CPLX4: variants seen among roughly 807,000 people sequenced by gnomAD.
The protein encoded by CPLX4 is complexin-4.
A neutral mutation model predicts 16.1 loss-of-function variants in CPLX4; 17 were observed. That is an observed-to-expected ratio of 1.06 (90% CI 0.72 to 1.59). CPLX4 has a LOEUF of 1.59. Ranked by LOEUF, CPLX4 falls within the 40% of genes most tolerant of loss-of-function variation. CPLX4 has a pLI of 0.00. For missense variants in CPLX4, 193 were observed against 192.9 expected, an observed-to-expected ratio of 1.00 and a Z score of 0.00; for synonymous variants, 55 against 57.8, an observed-to-expected ratio of 0.95 and a Z score of 0.22.
At chr18:59,313,002 T>TA (rs1373803125) in intron 1 of CPLX4, among the ~76,000 whole-genome samples, 5 of 152,314 alleles carry the variant, frequency 3.3e-5, no homozygotes, top group Admixed American at 3.3e-4. Context: ...AATTTGGTCC[T>TA]AGGAATCTCT....
chr18:59,297,802 C>T (rs1331126885), intron 2 of CPLX4, among the ~76,000 whole-genome samples: 1 of 152,202 alleles, frequency 6.6e-6, no homozygotes, highest in Non-Finnish European at 1.5e-5. Flanking sequence ...ACCTTAGTGG[C>T]AACTTTTTCT....
intron 2 of CPLX4, among the ~76,000 whole-genome samples, chr18:59,302,145 T>C (rs2070545994): frequency 6.6e-6 from 1 of 152,214 alleles, no homozygotes; most frequent in Admixed American, 6.5e-5. Flanking sequence ...ACAGCAGCCT[T>C]GTTTCCTCTC....
At chr18:59,300,489 A>G (rs973402188) in intron 2 of CPLX4, among the ~76,000 whole-genome samples, 1 of 152,170 alleles carries the variant, frequency 6.6e-6, no homozygotes, top group African/African-American at 2.4e-5. Context: ...GTTTATCTTT[A>G]TAATTCCATT....
chr18:59,300,606 T>C (rs1391329025), intron 2 of CPLX4, among the ~76,000 whole-genome samples: 4 of 152,210 alleles, frequency 2.6e-5, no homozygotes, highest in Non-Finnish European at 4.4e-5. Flanking sequence ...CTTTATTTCC[T>C]TGTCTGTATA....
Position 59,305,818 on chromosome 18 carries a change from G to A in CPLX4, c.255+6867C>T, listed in dbSNP as rs547161787. ...GCCCTCGAGGACAATGTGCAGGCTC[G>A]AGTGAGAAGAAGAGCCAGCCAAGGG... On this transcript the variant is annotated intron_variant, in intron 2 of 2. Coordinates refer to ENST00000299721, the MANE Select transcript of CPLX4 (RefSeq NM_181654.4). Among the ~76,000 whole-genome samples the A allele has an allele frequency of 9.2e-5, 14 of 152,336 alleles. No individual in the cohort carries two copies. The East Asian group carries it at 9.6e-4, about 10-fold the overall frequency.
Position 59,296,632 on chromosome 18 carries a change from A to G in CPLX4, c.*66T>C. On this transcript the variant is annotated 3_prime_UTR_variant, in exon 3 of 3. Transcript: ENST00000299721. ...CTACATTAAAACATGTACTGCTTGA[A>G]ACGTCCCACAAGAGAGTGGTCTTTT... 1 of 1,565,828 alleles carries G rather than the reference A, an allele frequency of 6.4e-7. No homozygotes were observed. Among genetic ancestry groups the G allele is most frequent in the South Asian group, 1.2e-5 (1 of 85,938 alleles).
chr18:59,302,754 T>C (rs1239017397), intron 2 of CPLX4, among the ~76,000 whole-genome samples: 1 of 152,222 alleles, frequency 6.6e-6, no homozygotes, highest in African/African-American at 2.4e-5. Flanking sequence ...TTACTACTTC[T>C]TGGACCTGGA....
intron 2 of CPLX4, among the ~76,000 whole-genome samples, chr18:59,310,690 A>C (rs1396307440): frequency 6.6e-6 from 1 of 152,132 alleles, no homozygotes. Flanking sequence ...TTTATATTAC[A>C]TTATCTCAGA....
intron 2 of CPLX4, among the ~76,000 whole-genome samples, chr18:59,304,924 AGTGTGTGTGTGTGTGT>A (rs56041280): frequency 0.15 from 21,448 of 142,218 alleles, 1,748 homozygotes; most frequent in East Asian, 0.27. Flanking sequence ...CTCAACAATC[AGTGTGTGTGTGTGTGT>A]GTGTGTGTGT....
At chr18:59,297,622 T>G (rs532546565) in intron 2 of CPLX4, among the ~76,000 whole-genome samples, 31 of 152,160 alleles carry the variant, frequency 2.0e-4, no homozygotes, top group Non-Finnish European at 4.3e-4. Flanking sequence ...GTGATGCTGA[T>G]ACACACAAAA....
At chr18:59,305,423 C>A (rs933414010) in intron 2 of CPLX4, among the ~76,000 whole-genome samples, 9 of 152,092 alleles carry the variant, frequency 5.9e-5, no homozygotes, top group African/African-American at 2.2e-4. Flanking sequence ...ATTTTAGAAA[C>A]CTCAGTATGG....
chr18:59,318,638 C>T lies in CPLX4; in HGVS notation c.-176G>A, dbSNP rs896650199. 5.1e-5 allele frequency: 61 copies of T among 1,207,126 alleles called. No homozygotes were observed. The highest frequency in any genetic ancestry group is 5.8e-4 in the Middle Eastern group (2 of 3,424). The allele number at this position is 1,207,126 out of a possible 1,614,324, so 74.8% of individuals were successfully genotyped here. On this transcript the variant is annotated 5_prime_UTR_variant, in exon 1 of 3. Coordinates refer to ENST00000299721, the MANE Select transcript of CPLX4 (RefSeq NM_181654.4). Reference sequence around the variant, plus strand: ...ATACTGATAGAGAAGAGTGGTTTGTCGGCCGTAAGCTGGATTAAAGTGGTG... The same window carrying T: ...ATACTGATAGAGAAGAGTGGTTTGTTGGCCGTAAGCTGGATTAAAGTGGTG...
chr18:59,305,071 A>G (rs1181571725), intron 2 of CPLX4, among the ~76,000 whole-genome samples: 1 of 152,122 alleles, frequency 6.6e-6, no homozygotes, highest in Admixed American at 6.5e-5. Flanking sequence ...ATTTAGGGTC[A>G]TAAGATGATG....
chr18:59,307,154 A>G (rs2070582141), intron 2 of CPLX4, among the ~76,000 whole-genome samples: 1 of 152,184 alleles, frequency 6.6e-6, no homozygotes, highest in African/African-American at 2.4e-5. Context: ...AAAGTCCTGG[A>G]TGAAGAGTAA....
chr18:59,297,926 G>A (rs779878116), intron 2 of CPLX4, among the ~76,000 whole-genome samples: 11 of 152,242 alleles, frequency 7.2e-5, no homozygotes, highest in Middle Eastern at 3.4e-3. Flanking sequence ...CAGTACACAT[G>A]TATTAAGTGA....
chr18:59,297,708 A>T (rs1454560042), intron 2 of CPLX4, among the ~76,000 whole-genome samples: 4 of 152,190 alleles, frequency 2.6e-5, no homozygotes. Flanking sequence ...CCATGCCAAG[A>T]CCCACTCACC....
At chr18:59,300,026 C>T (rs1414467702) in intron 2 of CPLX4, among the ~76,000 whole-genome samples, 1 of 152,180 alleles carries the variant, frequency 6.6e-6, no homozygotes, top group Non-Finnish European at 1.5e-5. Flanking sequence ...CATGTAGACA[C>T]AGACAATTAT....
At chr18:59,296,989 A>G in intron 2 of CPLX4, 64 bp from the exon 3 acceptor site, 3 of 1,545,520 alleles carry the variant, frequency 1.9e-6, no homozygotes, top group South Asian at 2.5e-5. Flanking sequence ...AACTAAATAA[A>G]TTTTAAAAGC....
rs568944812 is a variant in CPLX4 at position 59,318,372 on chromosome 18, C to T, written c.91G>A (p.Ala31Thr). ...CCTTGAGCTGCTGCAGGATCAGATG[C>T]ACCTCCTTCTTCTTTATTTTCTTCA... Reference protein sequence around the residue: ...GSEENKEEGGASDPAAAQGMT... With the variant: ...GSEENKEEGGTSDPAAAQGMT... The change falls in exon 1 of 3, where the codon GCA (alanine) becomes ACA (threonine). Residue 31 changes from alanine (A) to threonine (T), a missense_variant. Physicochemically the swap from Ala to Thr is moderately conservative, Grantham distance 58 (BLOSUM62 0). Coordinates refer to ENST00000299721, the MANE Select transcript of CPLX4 (RefSeq NM_181654.4). The T allele has an allele frequency of 7.4e-6, 12 of 1,613,916 alleles. No individual in the cohort carries two copies. The highest frequency in any genetic ancestry group is 2.2e-5 in the East Asian group (1 of 44,868).
Sources: allele counts gnomAD v4.1 joint callset (sites outside exome capture counted in the v4.1 genomes callset), GRCh38; gene constraint gnomAD v4.1.1; transcripts MANE v1.5; gene names NCBI Gene and HGNC (gene_info 2026-07-23, HGNC 2026-07-21).